The following ADARB1 variants were observed in gnomAD, a reference collection of about 807,000 sequenced individuals.
ADARB1 encodes adenosine deaminase RNA specific B1, also known as double-stranded RNA-specific editase 1.
ADARB1 carries 10 observed loss-of-function variants against 52.4 expected under a neutral mutation model. That is an observed-to-expected ratio of 0.19 (90% CI 0.12 to 0.32). The LOEUF is 0.32. Ranked by LOEUF, ADARB1 falls within the 10% of genes least tolerant of loss-of-function variation. The pLI, the probability that ADARB1 is intolerant of heterozygous loss-of-function variation, is 1.00. For synonymous variants in ADARB1, 349 were observed against 371.1 expected (o/e 0.94, Z 0.68); for missense variants, 643 against 922.3 (o/e 0.70, Z 3.92).
At position 45,142,778 on chromosome 21, in the gene ADARB1, C is replaced by T. The variant is rs138490850; in HGVS notation, c.-48+14205C>T. Among the ~76,000 whole-genome samples, 103 of 152,210 alleles carry T rather than the reference C, an allele frequency of 6.8e-4. No individual in the cohort carries two copies. Among genetic ancestry groups the T allele is most frequent in the African/African-American group, 2.2e-3 (91 of 41,548 alleles). On this transcript the variant is annotated intron_variant, in intron 2 of 10. Transcript: ENST00000348831. This position sits in a 1 kb window ranked among gnomAD's most constrained non-coding sequence, Gnocchi z 4.0. The stretch of plus-strand genomic sequence containing the variant: ...TGAACTCAGGGGTGTGGCCTGGCTC[C>T]GTCATGTGTTTTGCAGGGGGATCTG...
Position 45,225,902 on chromosome 21 carries a change from T to A in ADARB1, c.*3705T>A, listed in dbSNP as rs1213047892. ...CGTGTTTTGTGACAATCTCCCTGGG[T>A]GAGGAGTGGGTGCACCCAGCCCCGA... On this transcript the variant is annotated 3_prime_UTR_variant, in exon 11 of 11. Coordinates refer to ENST00000348831, the MANE Select transcript of ADARB1 (RefSeq NM_001112.4). 8.4e-6 allele frequency: 2 copies of A among 237,274 alleles called. No homozygotes were observed. Among genetic ancestry groups the A allele is most frequent in the Non-Finnish European group, 1.6e-5 (2 of 123,640 alleles). The allele number at this position is 237,274 out of a possible 1,614,324, so 14.7% of individuals were successfully genotyped here.
At position 45,222,031 on chromosome 21, in the gene ADARB1, T is replaced by C; in HGVS notation, c.1940T>C (p.Leu647Ser). ...ATCCCTTCACAGGTTCCCTCCCACT[T>C]ACTACGCTCCAAGATTACCAAGCCC... Reference protein sequence around the residue: ...MRVHGKVPSHLLRSKITKPNV... With the variant: ...MRVHGKVPSHSLRSKITKPNV... Residue 647 changes from leucine to serine, a missense_variant, in exon 11 of 11, where the codon TTA becomes TCA. Transcript: ENST00000348831. 6.2e-7 allele frequency: 1 copy of C among 1,613,740 alleles called. No homozygotes were observed.
chr21:45,178,861 A>G (rs1345452018), intron 4 of ADARB1, among the ~76,000 whole-genome samples: 1 of 152,184 alleles, frequency 6.6e-6, no homozygotes, highest in Non-Finnish European at 1.5e-5. Context: ...AGCCCTGGCC[A>G]TGTGCCTCAG....
At chr21:45,153,970 T>A (rs566876390) in intron 2 of ADARB1, among the ~76,000 whole-genome samples, 3 of 152,362 alleles carry the variant, frequency 2.0e-5, no homozygotes, top group Non-Finnish European at 4.4e-5. Context: ...AGGACATTTT[T>A]ACCAAATACC....
chr21:45,225,141 A>G lies in ADARB1; in HGVS notation c.*2944A>G, dbSNP rs1418459897. 2 of 1,018,866 alleles carry G rather than the reference A, an allele frequency of 2.0e-6. No homozygotes were observed. The highest frequency in any genetic ancestry group is 1.8e-4 in the East Asian group (2 of 11,068). 63.1% of individuals were successfully genotyped at this position (1,018,866 alleles called of 1,614,324 possible). On this transcript the variant is annotated 3_prime_UTR_variant, in exon 11 of 11. Coordinates refer to ENST00000348831, the MANE Select transcript of ADARB1 (RefSeq NM_001112.4). ...TTCCACAAAGACACTGTCCCTCAGG[A>G]CCACTCAGGTACAGCTCTGCCAGGG...
chr21:45,112,032 A>G (rs2087564004), intron 1 of ADARB1, among the ~76,000 whole-genome samples: 1 of 152,174 alleles, frequency 6.6e-6, no homozygotes, highest in Non-Finnish European at 1.5e-5. Flanking sequence ...CATTCTGGGC[A>G]GGTGTGTGTG....
intron 2 of ADARB1, among the ~76,000 whole-genome samples, chr21:45,150,534 G>A (rs2090230567): frequency 6.6e-6 from 1 of 152,124 alleles, no homozygotes; most frequent in African/African-American, 2.4e-5. Flanking sequence ...AATTTTATAA[G>A]AAATAAAACT....
chr21:45,192,644 A>G (rs947403794), intron 8 of ADARB1, among the ~76,000 whole-genome samples: 20 of 152,206 alleles, frequency 1.3e-4, no homozygotes, highest in African/African-American at 4.6e-4. Context: ...TGCCACTTGA[A>G]GACAGAGAGA....
intron 8 of ADARB1, among the ~76,000 whole-genome samples, chr21:45,188,606 T>G (rs565537700): frequency 0.035 from 4,133 of 119,490 alleles, 83 homozygotes; most frequent in Non-Finnish European, 0.055. Context: ...CAGTACATAG[T>G]TGAATTGTTT....
intron 9 of ADARB1, among the ~76,000 whole-genome samples, chr21:45,217,741 CA>C (rs1392872280): frequency 6.6e-6 from 1 of 152,132 alleles, no homozygotes; most frequent in African/African-American, 2.4e-5. Flanking sequence ...CCTTGTAGCA[CA>C]AGTCTTCTGA....
intron 1 of ADARB1, among the ~76,000 whole-genome samples, chr21:45,122,879 C>T (rs552947377): frequency 2.6e-5 from 4 of 152,310 alleles, no homozygotes; most frequent in East Asian, 1.9e-4. Context: ...GTTGCCTTTT[C>T]GCATAATCTC....
chr21:45,113,465 G>GTGTA (rs1457293509), intron 1 of ADARB1, among the ~76,000 whole-genome samples: 1 of 146,518 alleles, frequency 6.8e-6, no homozygotes, highest in African/African-American at 2.6e-5. Context: ...ATGTGTGTGT[G>GTGTA]TGTATATATA....
chr21:45,102,907 C>CG (rs984519204), intron 1 of ADARB1, among the ~76,000 whole-genome samples: 1 of 152,116 alleles, frequency 6.6e-6, no homozygotes, highest in African/African-American at 2.4e-5. Context: ...GGAAGTGGGG[C>CG]GGGGGGCTCA....
intron 8 of ADARB1, among the ~76,000 whole-genome samples, chr21:45,190,819 C>T (rs1406760100): frequency 1.3e-5 from 2 of 152,234 alleles, no homozygotes; most frequent in African/African-American, 4.8e-5. Context: ...TCCAGACAGC[C>T]AGAACATCAG....
At chr21:45,195,769 T>C (rs1313664350) in intron 8 of ADARB1, among the ~76,000 whole-genome samples, 1 of 152,226 alleles carries the variant, frequency 6.6e-6, no homozygotes, top group Admixed American at 6.5e-5. Context: ...CATTGATCTA[T>C]TTGTGTATTC....
chr21:45,125,586 C>A (rs960963519), intron 1 of ADARB1, among the ~76,000 whole-genome samples: 12 of 152,276 alleles, frequency 7.9e-5, no homozygotes, highest in Non-Finnish European at 1.3e-4. Flanking sequence ...AGAGCAGTCA[C>A]CCGCCTGCTG....
intron 2 of ADARB1, among the ~76,000 whole-genome samples, chr21:45,131,530 C>G (rs1346412152): frequency 1.3e-5 from 2 of 152,216 alleles, no homozygotes; most frequent in Non-Finnish European, 2.9e-5. Flanking sequence ...TGGCCCTGCT[C>G]CCTCCAGGAG....
rs1402132004 is a variant in ADARB1, at chr21:45,222,333, C to T, written c.*136C>T. On this transcript the variant is annotated 3_prime_UTR_variant, in exon 11 of 11. Transcript: ENST00000348831. ...GACACGGGGGACCACCAGGTGTCCA[C>T]GGTTGTCCCCAGCATCTCACATCAG... The T allele has an allele frequency of 1.8e-5, 25 of 1,397,586 alleles. No homozygotes were observed. The South Asian group carries it at 1.8e-4, about 10-fold the overall frequency. 86.6% of individuals were successfully genotyped at this position (1,397,586 alleles called of 1,614,324 possible). A position where few individuals can be genotyped will look rare whatever the true frequency, so the allele number is the denominator to read the frequency against.
At chr21:45,154,432 A>C (rs1369532240) in intron 2 of ADARB1, among the ~76,000 whole-genome samples, 1 of 152,262 alleles carries the variant, frequency 6.6e-6, no homozygotes, top group Non-Finnish European at 1.5e-5. Flanking sequence ...AAACTGGCAA[A>C]GTTTTATAAG....
Sources: gnomAD v4.1 joint callset for allele counts (sites outside exome capture counted in the v4.1 genomes callset) on GRCh38, gnomAD v4.1.1 for gene constraint, Gnocchi (gnomAD v3.1) non-coding constraint, MANE v1.5 for transcripts, NCBI Gene and HGNC (gene_info 2026-07-23, HGNC 2026-07-21) for gene names.